The following FN1 variants were observed in gnomAD, a reference collection of about 807,000 sequenced individuals.
FN1 encodes fibronectin.
FN1 carries 106 observed loss-of-function variants against 297.3 expected under a neutral mutation model. That is an observed-to-expected ratio of 0.36 (90% CI 0.30 to 0.42). FN1 has a LOEUF of 0.42. FN1 is among the 10% of genes least tolerant of loss of function. FN1 has a pLI of 1.00. For missense variants in FN1, 2,690 were observed against 3,124.9 expected, an observed-to-expected ratio of 0.86 and a Z score of 3.32; for synonymous variants, 1,149 against 1,152.6, an observed-to-expected ratio of 1.00 and a Z score of 0.06.
At chr2:215,375,088 T>C in intron 38 of FN1, 126 bp downstream of exon 38, 1 of 984,650 alleles carries the variant, frequency 1.0e-6, no homozygotes, top group Non-Finnish European at 1.6e-6. Flanking sequence ...GAATGCTTTT[T>C]GAGGTTATCA....
intron 12 of FN1, among the ~76,000 whole-genome samples, chr2:215,417,502 T>A (rs2106373748): frequency 6.6e-6 from 1 of 152,270 alleles, no homozygotes; most frequent in East Asian, 1.9e-4. Context: ...CCTCTTATCT[T>A]TTGCTAGTTT....
chr2:215,364,187 A>G (rs2054073336), intron 44 of FN1, among the ~76,000 whole-genome samples: 1 of 152,218 alleles, frequency 6.6e-6, no homozygotes, highest in Non-Finnish European at 1.5e-5. Flanking sequence ...GAGCCAAGCC[A>G]TTTCTCATTT....
chr2:215,401,016 G>A (rs947908367), intron 20 of FN1, among the ~76,000 whole-genome samples: 4 of 148,248 alleles, frequency 2.7e-5, no homozygotes, highest in African/African-American at 5.0e-5. Context: ...GGCCAGTCTC[G>A]AACTCCTGAC....
At position 215,435,793 on chromosome 2, in the gene FN1, C is replaced by T. The variant is rs1575949110; in HGVS notation, c.10G>A (p.Gly4Ser). 6.4e-7 allele frequency: 1 copy of T among 1,560,514 alleles called. No individual in the cohort carries two copies. Among genetic ancestry groups the T allele is most frequent in the Admixed American group, 1.9e-5 (1 of 53,166 alleles). ...AGCAGCAGCAGCCCGGGCCCCGGAC[C>T]CCTAAGCATGTTGAGACGGTGGGGG... is the stretch of plus-strand genomic sequence containing the variant. Reference protein sequence around the residue: MLRGPGPGLLLLAV... With the variant: MLRSPGPGLLLLAV... The change falls in exon 1 of 46, where the codon GGT becomes AGT. Residue 4 changes from glycine to serine, a missense_variant. Gly to Ser is a moderately conservative substitution (Grantham distance 56). Coordinates refer to ENST00000354785, the MANE Select transcript of FN1 (RefSeq NM_212482.4).
At position 215,383,455 on chromosome 2, in the gene FN1, C is replaced by T. The variant is rs1192068289; in HGVS notation, c.4923G>A (p.Val1641=). The stretch of plus-strand genomic sequence containing the variant: ...TAATGCTGTTGTCCTGAACATCGGT[C>T]ACTTGCATCTGGGATGGTTTGTCAA... ...TEIDKPSQMQ[V]TDVQDNSISV... is the part of the protein sequence containing the mutation. The change falls in exon 31 of 46, where the codon GTG becomes GTA. Residue 1641 remains valine, a synonymous_variant. Coordinates refer to ENST00000354785, the MANE Select transcript of FN1 (RefSeq NM_212482.4). 6.2e-7 allele frequency: 1 copy of T among 1,614,022 alleles called. No individual in the cohort carries two copies. Among genetic ancestry groups the T allele is most frequent in the Non-Finnish European group, 8.5e-7 (1 of 1,180,018 alleles).
intron 6 of FN1, among the ~76,000 whole-genome samples, chr2:215,427,334 G>C (rs966540061): frequency 1.3e-5 from 2 of 152,106 alleles, no homozygotes; most frequent in African/African-American, 4.8e-5. Flanking sequence ...ATTTTTAATT[G>C]AAGGATGGCT....
At chr2:215,365,800 C>A in intron 42 of FN1, 170 bp from the exon 43 acceptor site, 2 of 332,702 alleles carry the variant, frequency 6.0e-6, no homozygotes, top group East Asian at 5.5e-5. Context: ...TATTTATTTA[C>A]TTTTTATTTT....
At chr2:215,383,282 A>G (rs775699837) in intron 31 of FN1, 46 bp downstream of exon 31, 1 of 1,601,722 alleles carries the variant, frequency 6.2e-7, no homozygotes. Context: ...TTCTGGGATT[A>G]TAGGAGTGAG....
chr2:215,378,029 A>G (rs1302222726), intron 35 of FN1, 146 bp downstream of exon 35: 4 of 658,878 alleles, frequency 6.1e-6, no homozygotes, highest in Non-Finnish European at 1.1e-5. Flanking sequence ...GTAGGTCTCA[A>G]ACTCCTGGCC....
intron 10 of FN1, 107 bp from the exon 11 acceptor site, chr2:215,420,908 C>T: frequency 2.0e-6 from 2 of 978,808 alleles, no homozygotes; most frequent in Admixed American, 3.6e-5. Flanking sequence ...TAATTATCAA[C>T]ACCTTCCACT....
intron 7 of FN1, 80 bp downstream of exon 7, chr2:215,425,014 T>C: frequency 7.8e-7 from 1 of 1,282,468 alleles, no homozygotes; most frequent in Non-Finnish European, 1.1e-6. Context: ...TGTTTTATTG[T>C]TTCACATTGA....
chr2:215,400,722 A>G (rs540997412), intron 20 of FN1, among the ~76,000 whole-genome samples: 3 of 127,020 alleles, frequency 2.4e-5, no homozygotes, highest in African/African-American at 8.6e-5. Flanking sequence ...ACTGCACTCC[A>G]GCCAGGGTGA....
At chr2:215,409,892 G>C in intron 14 of FN1, 42 bp downstream of exon 14, 1 of 1,611,376 alleles carries the variant, frequency 6.2e-7, no homozygotes, top group Non-Finnish European at 8.5e-7. Flanking sequence ...CTAGCTCTAG[G>C]AACCTCGGGG....
rs116586243 is a variant in FN1, at chr2:215,399,715, T to A, written c.3254-364A>T. 2.0e-3 allele frequency among the ~76,000 whole-genome samples: 305 copies of A among 152,296 alleles called. 3 individuals carry two copies. The highest frequency in any genetic ancestry group is 7.1e-3 in the African/African-American group (293 of 41,540). The stretch of plus-strand genomic sequence containing the variant: ...TGGTCCTTTCATTGAAATTATATAA[T>A]CTAATTCATGTCTTTTTATGATTGT... On this transcript the variant is annotated intron_variant, in intron 20 of 45. Transcript: ENST00000354785.
rs201876289 is a variant in FN1 at position 215,424,193 on chromosome 2, G to A, written c.1169C>T (p.Ser390Leu). 1.7e-4 allele frequency: 282 copies of A among 1,614,060 alleles called. No individual in the cohort carries two copies. Among genetic ancestry groups the A allele is most frequent in the Non-Finnish European group, 1.9e-4 (225 of 1,180,052 alleles). Residue 390 changes from serine (S) to leucine (L), a missense_variant, in exon 8 of 46, where the codon TCG (serine) becomes TTG (leucine). Physicochemically the swap from Ser to Leu is moderately radical, Grantham distance 145. Coordinates refer to ENST00000354785, the MANE Select transcript of FN1 (RefSeq NM_212482.4). ...QDGHLWCSTT[S>L]NYEQDQKYSF... ...GTATTTCTGGTCCTGCTCATAATTC[G>A]AAGTTGTGCTGCACCAAAGATGTCC...
In FN1 at chr2:215,370,196, TAAA is replaced by T; in HGVS notation, c.6853+95_6853+97del. On this transcript the variant is annotated intron_variant, in intron 41 of 45. Coordinates refer to ENST00000354785, the MANE Select transcript of FN1 (RefSeq NM_212482.4). ...GATGTGTTGCATTAAATCCCAAAGA[TAAA>T]AAGACAATGGCAACAAAGGTACAGT... is the stretch of plus-strand genomic sequence containing the variant. The T allele has an allele frequency of 2.3e-6, 3 of 1,278,180 alleles. No individual in the cohort carries two copies. In the South Asian group the frequency reaches 3.6e-5, roughly 15 times the overall value. 79.2% of individuals were successfully genotyped at this position (1,278,180 alleles called of 1,614,324 possible).
At chr2:215,377,216 A>G (rs2057449442) in intron 35 of FN1, among the ~76,000 whole-genome samples, 1 of 152,192 alleles carries the variant, frequency 6.6e-6, no homozygotes, top group Non-Finnish European at 1.5e-5. Context: ...TTGAAAAGGC[A>G]TACATCAAGG....
At chr2:215,365,321 CA>C (rs2054312206) in intron 43 of FN1, among the ~76,000 whole-genome samples, 183 bp downstream of exon 43, 1 of 152,204 alleles carries the variant, frequency 6.6e-6, no homozygotes, top group Non-Finnish European at 1.5e-5. Flanking sequence ...CCTGTAATAA[CA>C]TTAAATCATG....
chr2:215,421,895 T>C (rs190255278), intron 10 of FN1, among the ~76,000 whole-genome samples, 196 bp downstream of exon 10: 1 of 152,320 alleles, frequency 6.6e-6, no homozygotes, highest in African/African-American at 2.4e-5. Flanking sequence ...AACATTAGCA[T>C]TGCTATGCCG....
Sources: allele counts gnomAD v4.1 joint callset (sites outside exome capture counted in the v4.1 genomes callset), GRCh38; gene constraint gnomAD v4.1.1; transcripts MANE v1.5; gene names NCBI Gene and HGNC (gene_info 2026-07-23, HGNC 2026-07-21).